The following SOX6 variants were observed in gnomAD, a reference collection of about 807,000 sequenced individuals.
SOX6 encodes the protein SRY-box transcription factor 6, also known as transcription factor SOX-6.
A neutral mutation model predicts 97.8 loss-of-function variants in SOX6; 11 were observed. That is an observed-to-expected ratio of 0.11 (90% CI 0.07 to 0.19). SOX6 has a LOEUF of 0.19. Among genes scored for constraint, SOX6 ranks in the 10% least tolerant of loss-of-function variants. SOX6 has a pLI of 1.00. For synonymous variants in SOX6, 360 were observed against 371.4 expected (o/e 0.97, Z 0.35); for missense variants, 810 against 1,039.5 (o/e 0.78, Z 3.04).
intron 3 of SOX6, among the ~76,000 whole-genome samples, chr11:16,701,889 G>C (rs999952773): frequency 6.7e-6 from 1 of 149,898 alleles, no homozygotes; most frequent in East Asian, 2.0e-4. Flanking sequence ...GCAAGACTCC[G>C]TCTCAAAAAA....
At chr11:16,683,584 T>G (rs1847945330) in intron 3 of SOX6, among the ~76,000 whole-genome samples, 1 of 152,074 alleles carries the variant, frequency 6.6e-6, no homozygotes, top group South Asian at 2.1e-4. Context: ...AAAAATTAAC[T>G]CAAGATGGAT....
chr11:16,187,030 T>C lies in SOX6; in HGVS notation c.536-75A>G, dbSNP rs966320926. On this transcript the variant is annotated intron_variant, in intron 4 of 15. Coordinates refer to ENST00000683767, the MANE Select transcript of SOX6 (RefSeq NM_001367873.1). ...GAATAAGGGAAAGGAGGGCAGAATT[T>C]AGAAAGGGACTATCCTAAGACATTT... 6.6e-6 allele frequency: 10 copies of C among 1,505,458 alleles called. No individual in the cohort carries two copies. In the Admixed American group the frequency reaches 1.0e-4, roughly 15 times the overall value. 93.3% of individuals were successfully genotyped at this position (1,505,458 alleles called of 1,614,324 possible).
chr11:16,679,403 C>G (rs1847909259), intron 3 of SOX6, among the ~76,000 whole-genome samples: 1 of 152,150 alleles, frequency 6.6e-6, no homozygotes. Flanking sequence ...AACTAACGAA[C>G]AGAAAGGAAT....
intron 1 of SOX6, among the ~76,000 whole-genome samples, chr11:16,373,566 G>A (rs1857549491): frequency 6.6e-6 from 1 of 151,950 alleles, no homozygotes; most frequent in African/African-American, 2.4e-5. Context: ...AAGTGATGCA[G>A]TATCACACTT....
At chr11:16,426,322 T>TA (rs374521257) in intron 1 of SOX6, among the ~76,000 whole-genome samples, 1,542 of 40,666 alleles carry the variant, frequency 0.038, 67 homozygotes, top group African/African-American at 0.1. Flanking sequence ...TCATATGGAA[T>TA]AAAAAAAAAA....
intron 12 of SOX6, among the ~76,000 whole-genome samples, chr11:16,023,487 AAAG>A (rs1347562461): frequency 1.3e-5 from 2 of 152,162 alleles, no homozygotes; most frequent in Non-Finnish European, 2.9e-5. Flanking sequence ...TAAATAATTA[AAAG>A]ACAGATAAAT....
At chr11:15,993,218 A>G (rs941965142) in intron 13 of SOX6, among the ~76,000 whole-genome samples, 2 of 152,222 alleles carry the variant, frequency 1.3e-5, no homozygotes, top group African/African-American at 4.8e-5. Context: ...TAATCTGTGT[A>G]TCTGAAGTCT....
intron 13 of SOX6, among the ~76,000 whole-genome samples, chr11:16,001,346 A>C (rs1289906561): frequency 1.3e-5 from 2 of 152,146 alleles, no homozygotes; most frequent in African/African-American, 4.8e-5. Flanking sequence ...TCCTCATTAC[A>C]ATCTTTTAAA....
At chr11:16,145,584 T>C (rs1272624266) in intron 6 of SOX6, among the ~76,000 whole-genome samples, 2 of 152,202 alleles carry the variant, frequency 1.3e-5, no homozygotes, top group African/African-American at 2.4e-5. Flanking sequence ...GATGACCTGA[T>C]TGTATATTTA....
chr11:16,435,262 G>C (rs1342094118), intron 1 of SOX6, among the ~76,000 whole-genome samples: 2 of 152,030 alleles, frequency 1.3e-5, no homozygotes, highest in Non-Finnish European at 2.9e-5. Context: ...CTTCTGAAGA[G>C]GCTTGTGATT....
chr11:16,429,963 T>C (rs974853532), intron 1 of SOX6, among the ~76,000 whole-genome samples: 1 of 152,196 alleles, frequency 6.6e-6, no homozygotes, highest in Non-Finnish European at 1.5e-5. Context: ...TTCACTTCGG[T>C]ATGTTTTCAA....
chr11:16,299,858 C>A (rs1031934566), intron 3 of SOX6, among the ~76,000 whole-genome samples: 1 of 152,044 alleles, frequency 6.6e-6, no homozygotes, highest in African/African-American at 2.4e-5. Context: ...GGAATACTTT[C>A]TTTTAAAAAA....
intron 6 of SOX6, among the ~76,000 whole-genome samples, chr11:16,146,492 A>C (rs1389318625): frequency 6.6e-6 from 1 of 152,252 alleles, no homozygotes; most frequent in Non-Finnish European, 1.5e-5. Context: ...AGAAGTCAAA[A>C]TTGACAAATG....
rs1857077625 is a variant in SOX6, at chr11:16,356,442, C to T, written c.-353G>A. On this transcript the variant is annotated 5_prime_UTR_variant, in exon 1 of 16. Coordinates refer to ENST00000683767, the MANE Select transcript of SOX6 (RefSeq NM_001367873.1). Reference sequence around the variant, plus strand: ...CACATACCTTCTGCCACTGCTGCTACAGTTAAGCAAACTTTACAAGCTAGT... The same window carrying T: ...CACATACCTTCTGCCACTGCTGCTATAGTTAAGCAAACTTTACAAGCTAGT... Among the ~76,000 whole-genome samples, 1 of 152,102 alleles carries T rather than the reference C, an allele frequency of 6.6e-6. No homozygotes were observed. The highest frequency in any genetic ancestry group is 1.5e-5 in the Non-Finnish European group (1 of 67,992).
At chr11:16,682,394 C>G (rs1010755763) in intron 3 of SOX6, among the ~76,000 whole-genome samples, 1 of 152,210 alleles carries the variant, frequency 6.6e-6, no homozygotes, top group African/African-American at 2.4e-5. Flanking sequence ...CCACCACGAT[C>G]AAGTCAGCTT....
intron 2 of SOX6, among the ~76,000 whole-genome samples, chr11:16,334,395 A>G (rs1001262066): frequency 7.3e-5 from 11 of 151,488 alleles, no homozygotes; most frequent in African/African-American, 2.7e-4. Flanking sequence ...CCCAAGGGGG[A>G]AAAAAGCCAA....
intron 4 of SOX6, among the ~76,000 whole-genome samples, chr11:16,559,991 G>GA (rs1362626702): frequency 6.6e-6 from 1 of 151,304 alleles, no homozygotes; most frequent in Non-Finnish European, 1.5e-5. Flanking sequence ...GGAGGGCCAA[G>GA]AAAAAAAAGG....
At chr11:16,399,390 C>T (rs1269336151) in intron 1 of SOX6, among the ~76,000 whole-genome samples, 1 of 147,398 alleles carries the variant, frequency 6.8e-6, no homozygotes, top group East Asian at 2.0e-4. Flanking sequence ...AACTGGGTCT[C>T]ACTCTATTGA....
At chr11:16,468,444 T>C (rs1457975620) in intron 1 of SOX6, among the ~76,000 whole-genome samples, 1 of 152,202 alleles carries the variant, frequency 6.6e-6, no homozygotes. Context: ...TCAGAGTAAG[T>C]CCTCAAAGTG....
Sources: allele counts gnomAD v4.1 joint callset (sites outside exome capture counted in the v4.1 genomes callset), GRCh38; gene constraint gnomAD v4.1.1; transcripts MANE v1.5; gene names NCBI Gene and HGNC (gene_info 2026-07-23, HGNC 2026-07-21).